The following ZNF605 variants were observed in gnomAD, a reference collection of about 807,000 sequenced individuals.
The protein encoded by ZNF605 is zinc finger protein 605.
Under a neutral mutation model 7.9 loss-of-function variants are expected in ZNF605, and 9 were observed. The observed-to-expected ratio is 1.14, with a 90% CI of 0.68 to 1.98. The LOEUF (loss-of-function observed/expected upper bound fraction) is 1.98, where lower values mean the gene tolerates loss of function less well. Ranked by LOEUF, ZNF605 falls within the 30% of genes most tolerant of loss-of-function variation. The probability of loss-of-function intolerance (pLI) is 0.00; values close to 1 mark genes in which losing one functional copy is unlikely to be tolerated. For missense variants in ZNF605, 673 were observed against 762.4 expected (o/e 0.88, Z 1.38); for synonymous variants, 255 against 260.1 (o/e 0.98, Z 0.19).
chr12:132,954,423 T>TA (rs1952611148), intron 1 of ZNF605, among the ~76,000 whole-genome samples: 1 of 1,416 alleles, frequency 7.1e-4, no homozygotes, highest in African/African-American at 1.1e-3. Flanking sequence ...ATGAGAAGGA[T>TA]GGGGGAGGAG....
In ZNF605 at chr12:132,925,800, G is replaced by C; in HGVS notation, c.1499C>G (p.Thr500Ser). 3.7e-6 allele frequency: 6 copies of C among 1,614,180 alleles called. No homozygotes were observed. Among genetic ancestry groups the C allele is most frequent in the Non-Finnish European group, 4.2e-6 (5 of 1,180,024 alleles). ...SSLIHHQRTH[T>S]GEKPFECSEC... is the part of the protein sequence containing the mutation. ...ACTACATTCAAAGGGCTTTTCTCCA[G>C]TATGGGTTCTCTGATGATGAATGAG... Residue 500 changes from threonine to serine, a missense_variant, in exon 5 of 5, where the codon ACT becomes AGT. By Grantham distance (58) the Thr-to-Ser change is moderately conservative (BLOSUM62 1). Transcript: ENST00000360187.
At chr12:132,931,645 A>G (rs1436271435) in intron 4 of ZNF605, among the ~76,000 whole-genome samples, 2 of 152,198 alleles carry the variant, frequency 1.3e-5, no homozygotes, top group Admixed American at 1.3e-4. Flanking sequence ...GCACAAATCT[A>G]GCTCAAATGG....
At position 132,941,652 on chromosome 12, in the gene ZNF605, C is replaced by T. The variant is rs990498473; in HGVS notation, c.15+3969G>A. On this transcript the variant is annotated intron_variant, in intron 3 of 4. Transcript: ENST00000360187. The surrounding 1 kb of genome is among the most constrained non-coding windows in gnomAD (Gnocchi z 5.1). ...GGCTGCTGGGAGGGGACGAGATAACCGCAGCCTGGACTACGCAGCTCAGGC... is the reference window on the plus strand; with the variant it reads ...GGCTGCTGGGAGGGGACGAGATAACTGCAGCCTGGACTACGCAGCTCAGGC... Among the ~76,000 whole-genome samples, 2 of 152,200 alleles carry T rather than the reference C, an allele frequency of 1.3e-5. No homozygotes were observed. The highest frequency in any genetic ancestry group is 2.4e-5 in the African/African-American group (1 of 41,456).
intron 1 of ZNF605, among the ~76,000 whole-genome samples, chr12:132,951,041 TAC>T (rs372212940): frequency 0.012 from 1,676 of 140,432 alleles, 26 homozygotes; most frequent in African/African-American, 0.041. Context: ...CACAGACATG[TAC>T]ACACAGATAC....
rs1952234261 is a variant in ZNF605, at chr12:132,925,195, T to C, written c.*178A>G. 5 of 530,890 alleles carry C rather than the reference T, an allele frequency of 9.4e-6. No homozygotes were observed. Among genetic ancestry groups the C allele is most frequent in the Admixed American group, 3.6e-5 (1 of 27,548 alleles). 32.9% of individuals were successfully genotyped at this position (530,890 alleles called of 1,614,324 possible). On this transcript the variant is annotated 3_prime_UTR_variant, in exon 5 of 5. Transcript: ENST00000360187. ...TTCTGGGAGATGACTTTTTTTACAC[T>C]GTTTGCTTTTTAAAAACTTCTCTTT...
chr12:132,945,122 G>C lies in ZNF605; in HGVS notation c.15+499C>G. 2.3e-5 allele frequency: 9 copies of C among 383,420 alleles called. No homozygotes were observed. In the South Asian group the frequency reaches 2.5e-4, roughly 10 times the overall value. The allele number at this position is 383,420 out of a possible 1,614,324, so 23.8% of individuals were successfully genotyped here. On this transcript the variant is annotated intron_variant, in intron 3 of 4. Coordinates refer to ENST00000360187, the MANE Select transcript of ZNF605 (RefSeq NM_183238.4). ...CATGCCTCAGCCTCCCGAGTAGCTGGGAGGCTAATTTTTGTATTTTCAGTA... is the reference window on the plus strand; with the variant it reads ...CATGCCTCAGCCTCCCGAGTAGCTGCGAGGCTAATTTTTGTATTTTCAGTA...
intron 4 of ZNF605, chr12:132,932,595 C>T (rs1461139613): frequency 2.9e-5 from 19 of 654,822 alleles, no homozygotes; most frequent in Non-Finnish European, 4.6e-5. Context: ...TGAGTCAACT[C>T]TAAAGATTCA....
chr12:132,952,632 G>A (rs1952584593), intron 1 of ZNF605, among the ~76,000 whole-genome samples: 1 of 151,776 alleles, frequency 6.6e-6, no homozygotes, highest in African/African-American at 2.4e-5. Flanking sequence ...CAGATGCAAA[G>A]GTCTTGGGTG....
chr12:132,929,595 T>TG (rs1452410236), intron 4 of ZNF605, among the ~76,000 whole-genome samples: 1 of 151,964 alleles, frequency 6.6e-6, no homozygotes, highest in Non-Finnish European at 1.5e-5. Context: ...TTATAAGATG[T>TG]GGGAAAAAAG....
rs952000769 is a variant in ZNF605 at position 132,927,013 on chromosome 12, C to T, written c.286G>A (p.Gly96Ser). The change falls in exon 5 of 5, where the codon GGC becomes AGC. Residue 96 changes from glycine to serine, a missense_variant. By Grantham distance (56) the Gly-to-Ser change is moderately conservative (BLOSUM62 0). Coordinates refer to ENST00000360187, the MANE Select transcript of ZNF605 (RefSeq NM_183238.4). ...CATTTCAAACTTTTTTCTCCTGTGC[C>T]ACATTTATGGGATCGCAGTCCTACA... ...VHVGLRSHKC[G>S]TGEKSLKCPF... The T allele has an allele frequency of 6.2e-7, 1 of 1,610,918 alleles. No homozygotes were observed. Among genetic ancestry groups the T allele is most frequent in the African/African-American group, 1.3e-5 (1 of 74,856 alleles).
intron 4 of ZNF605, among the ~76,000 whole-genome samples, chr12:132,932,135 G>C (rs1004046367): frequency 1.3e-5 from 2 of 151,966 alleles, no homozygotes; most frequent in African/African-American, 2.4e-5. Flanking sequence ...AGTAGATATG[G>C]GGTCTTGCTT....
intron 1 of ZNF605, among the ~76,000 whole-genome samples, chr12:132,954,158 C>T (rs1952605497): frequency 6.6e-6 from 1 of 151,460 alleles, no homozygotes; most frequent in Admixed American, 6.6e-5. Context: ...GCAGAGTTAT[C>T]CCTACAGGCC....
chr12:132,937,028 A>C (rs1192037355), intron 3 of ZNF605, among the ~76,000 whole-genome samples: 1 of 152,216 alleles, frequency 6.6e-6, no homozygotes, highest in Non-Finnish European at 1.5e-5. Context: ...CTCATTTTAA[A>C]AATTAACAAG....
chr12:132,951,652 G>A (rs111174074), intron 1 of ZNF605, among the ~76,000 whole-genome samples: 311 of 149,930 alleles, frequency 2.1e-3, no homozygotes, highest in African/African-American at 7.4e-3. Context: ...TGATGCACAC[G>A]TACATCCCAC....
chr12:132,933,776 T>A lies in ZNF605; in HGVS notation c.16-621A>T, dbSNP rs1190370648. On this transcript the variant is annotated intron_variant, in intron 3 of 4. Coordinates refer to ENST00000360187, the MANE Select transcript of ZNF605 (RefSeq NM_183238.4). This position sits in a 1 kb window ranked among gnomAD's most constrained non-coding sequence, Gnocchi z 4.4. ...GGAATGTTTTAAAAATATTTATCAT[T>A]GTGAATTCATTCATCCATGTACCTA... is the stretch of plus-strand genomic sequence containing the variant. Among the ~76,000 whole-genome samples the A allele has an allele frequency of 1.3e-5, 2 of 152,250 alleles. No homozygotes were observed. Among genetic ancestry groups the A allele is most frequent in the Non-Finnish European group, 2.9e-5 (2 of 68,050 alleles).
chr12:132,955,263 C>G (rs1347655021), intron 1 of ZNF605, among the ~76,000 whole-genome samples: 1 of 152,114 alleles, frequency 6.6e-6, no homozygotes, highest in African/African-American at 2.4e-5. Context: ...CCTGGCCAAG[C>G]GAGGTGGAAG....
chr12:132,951,506 C>G (rs1434370124), intron 1 of ZNF605, among the ~76,000 whole-genome samples: 1 of 151,124 alleles, frequency 6.6e-6, no homozygotes, highest in African/African-American at 2.5e-5. Context: ...TACACACACA[C>G]GTACACACAC....
Position 132,947,373 on chromosome 12 carries a change from T to C in ZNF605, c.-163+775A>G, listed in dbSNP as rs536232110. ...TCACCCAGGCTGGAGTGCAGTGGCA[T>C]GATCTTGGCTCACCGTAGCCTCAAC... On this transcript the variant is annotated intron_variant, in intron 2 of 4. Transcript: ENST00000360187. Among the ~76,000 whole-genome samples the C allele has an allele frequency of 1.1e-3, 169 of 152,148 alleles. 1 individual carries two copies. In the South Asian group the frequency reaches 0.015, roughly 13 times the overall value.
chr12:132,938,166 G>C (rs1220258368), intron 3 of ZNF605, among the ~76,000 whole-genome samples: 1 of 151,856 alleles, frequency 6.6e-6, no homozygotes, highest in Non-Finnish European at 1.5e-5. Context: ...ATTTTTAGTA[G>C]AGACGGGGTT....
Sources: allele counts gnomAD v4.1 joint callset (sites outside exome capture counted in the v4.1 genomes callset), GRCh38; gene constraint gnomAD v4.1.1; non-coding constraint Gnocchi (gnomAD v3.1); transcripts MANE v1.5; gene names NCBI Gene and HGNC (gene_info 2026-07-23, HGNC 2026-07-21).